Variants in MLXIP observed in about 807,000 individuals in gnomAD.
MLXIP encodes the protein MLX interacting protein.
A neutral mutation model predicts 87.2 loss-of-function variants in MLXIP; 30 were observed. The ratio of observed to expected loss-of-function variants is 0.34; its 90% CI spans 0.26 to 0.47. The LOEUF (loss-of-function observed/expected upper bound fraction) is 0.47. MLXIP is among the 20% of genes least tolerant of loss of function. The pLI is 1.00. For synonymous variants in MLXIP, 530 were observed against 514.0 expected (o/e 1.03, Z -0.42); for missense variants, 1,002 against 1,240.1 (o/e 0.81, Z 2.88).
At position 122,127,322 on chromosome 12, in the gene MLXIP, C is replaced by A. The variant is rs775681234; in HGVS notation, c.480C>A (p.Ile160=). The A allele has an allele frequency of 1.2e-6, 2 of 1,613,586 alleles. No individual in the cohort carries two copies. The highest frequency in any genetic ancestry group is 3.3e-5 in the Admixed American group (2 of 59,920). ...TGAAGCTACAGTGGAGAGACAAGAT[C>A]CGGCTCAATAATGCCATCTGGCGGG... The part of the protein sequence containing the change: ...KGLKLQWRDK[I]RLNNAIWRAW... The change falls in exon 2 of 17, where the codon ATC becomes ATA. Residue 160 remains isoleucine (I), a synonymous_variant. Coordinates refer to ENST00000319080, the MANE Select transcript of MLXIP (RefSeq NM_014938.6).
At chr12:122,138,670 C>G in intron 14 of MLXIP, 119 bp downstream of exon 14, 1 of 1,495,338 alleles carries the variant, frequency 6.7e-7, no homozygotes, top group South Asian at 1.3e-5. Context: ...TGCAGTAGTT[C>G]TGCTCTTTGT....
In MLXIP at chr12:122,137,955, G is replaced by C. The variant is rs1200468504; in HGVS notation, c.2155-239G>C. On this transcript the variant is annotated intron_variant, in intron 12 of 16. Coordinates refer to ENST00000319080, the MANE Select transcript of MLXIP (RefSeq NM_014938.6). This position sits in a 1 kb window ranked among gnomAD's most constrained non-coding sequence, Gnocchi z 4.1. ...GAGCTTGCAGCACCTGGGATGCACCGGTTCAGCCCTGCCGTTCCCAGCCCC... is the reference window on the plus strand; with the variant it reads ...GAGCTTGCAGCACCTGGGATGCACCCGTTCAGCCCTGCCGTTCCCAGCCCC... Among the ~76,000 whole-genome samples, 1 of 152,192 alleles carries C rather than the reference G, an allele frequency of 6.6e-6. No individual in the cohort carries two copies. The highest frequency in any genetic ancestry group is 1.5e-5 in the Non-Finnish European group (1 of 68,022).
In MLXIP at chr12:122,142,117, C is replaced by G. The variant is rs1953217924; in HGVS notation, c.*305C>G. On this transcript the variant is annotated 3_prime_UTR_variant, in exon 17 of 17. Transcript: ENST00000319080. ...GAAGTGCTGGCCGTGCTGGTCCTGC[C>G]CTGCTGGTGGCCTGCCGGGCCTGGC... The G allele has an allele frequency of 1.4e-6, 1 of 701,826 alleles. No homozygotes were observed. The highest frequency in any genetic ancestry group is 1.7e-5 in the African/African-American group (1 of 57,250). The allele number at this position is 701,826 out of a possible 1,614,324, so 43.5% of individuals were successfully genotyped here. A position where few individuals can be genotyped will look rare whatever the true frequency, so the allele number is the denominator to read the frequency against.
At position 122,135,336 on chromosome 12, in the gene MLXIP, C is replaced by T. The variant is rs1953067806; in HGVS notation, c.1845C>T (p.Ala615=). The T allele has an allele frequency of 1.2e-6, 2 of 1,612,972 alleles. No individual in the cohort carries two copies. Among genetic ancestry groups the T allele is most frequent in the Non-Finnish European group, 1.7e-6 (2 of 1,179,530 alleles). ...CCAACGTGGTCATTGCGCCTGCTGC[C>T]ATCGCCAGGGTGAGGAGGGCCCTAG... ...SQSNVVIAPA[A]IARAPGVPEF... is the part of the protein sequence containing the mutation. The change falls in exon 10 of 17, where the codon GCC becomes GCT. Residue 615 remains alanine (A), a synonymous_variant. Transcript: ENST00000319080. The surrounding 1 kb of genome is among the most constrained non-coding windows in gnomAD (Gnocchi z 5.3).
At chr12:122,130,426 C>T (rs1204036594) in intron 6 of MLXIP, among the ~76,000 whole-genome samples, 1 of 151,642 alleles carries the variant, frequency 6.6e-6, no homozygotes, top group East Asian at 1.9e-4. Context: ...GTACGTGTGC[C>T]GTGCCTAAGC....
rs571975073 is a variant in MLXIP at position 122,142,143 on chromosome 12, G to A, written c.*331G>A. 1.5e-4 allele frequency: 108 copies of A among 700,988 alleles called. No homozygotes were observed. Among genetic ancestry groups the A allele is most frequent in the South Asian group, 1.1e-3 (75 of 66,858 alleles). 43.4% of individuals were successfully genotyped at this position (700,988 alleles called of 1,614,324 possible). On this transcript the variant is annotated 3_prime_UTR_variant, in exon 17 of 17. Transcript: ENST00000319080. ...CTGCTGGTGGCCTGCCGGGCCTGGC[G>A]CCGGTGAGCGGAATCGATGGGATGA...
chr12:122,094,276 C>T (rs1287906199), intron 1 of MLXIP, among the ~76,000 whole-genome samples: 8 of 75,964 alleles, frequency 1.1e-4, no homozygotes, highest in South Asian at 4.8e-4. Context: ...TGGGTGTGTG[C>T]GATGTCTGTG....
At chr12:122,134,792 A>G (rs1953054964) in intron 9 of MLXIP, 3 of 195,120 alleles carry the variant, frequency 1.5e-5, no homozygotes, top group South Asian at 1.7e-4. Flanking sequence ...CTCCTGCCTC[A>G]TCCTCCTGAG....
Position 122,137,366 on chromosome 12 carries a change from G to A in MLXIP, c.2033-103G>A. ...GTTGAAAGAACCAAGTGCAATACGT[G>A]GCTAGCAGCGAGCACCTCATAACCC... On this transcript the variant is annotated intron_variant, in intron 11 of 16. Transcript: ENST00000319080. This position sits in a 1 kb window ranked among gnomAD's most constrained non-coding sequence, Gnocchi z 4.1. 1.5e-6 allele frequency: 2 copies of A among 1,309,506 alleles called. No homozygotes were observed. Among genetic ancestry groups the A allele is most frequent in the Admixed American group, 2.8e-5 (1 of 35,448 alleles). 81.1% of individuals were successfully genotyped at this position (1,309,506 alleles called of 1,614,324 possible). A position where few individuals can be genotyped will look rare whatever the true frequency, so the allele number is the denominator to read the frequency against.
At position 122,132,364 on chromosome 12, in the gene MLXIP, C is replaced by T; in HGVS notation, c.1073C>T (p.Pro358Leu). The T allele has an allele frequency of 6.2e-7, 1 of 1,612,612 alleles. No homozygotes were observed. ...PASASAPVPD[P>L]NNPPAQESIL... is the part of the protein sequence containing the mutation. ...TCTGCCTCAGCACCTGTACCAGATC[C>T]CAACAACCCACCTGCACAGGTAGAG... is the stretch of plus-strand genomic sequence containing the variant. Residue 358 changes from proline to leucine, a missense_variant, in exon 8 of 17, where the codon CCC becomes CTC. Physicochemically the swap from Pro to Leu is moderately conservative, Grantham distance 98. This residue lies in a region of MLXIP where 746 missense variants were observed against 897.0 expected (regional missense o/e 0.83). Coordinates refer to ENST00000319080, the MANE Select transcript of MLXIP (RefSeq NM_014938.6).
intron 1 of MLXIP, among the ~76,000 whole-genome samples, chr12:122,101,794 T>C (rs530857740): frequency 1.6e-4 from 24 of 152,258 alleles, no homozygotes; most frequent in Admixed American, 8.5e-4. Flanking sequence ...TTAGTCAGGC[T>C]GGTCTCGAAC....
At chr12:122,117,051 C>T (rs1952703181) in intron 1 of MLXIP, among the ~76,000 whole-genome samples, 1 of 152,128 alleles carries the variant, frequency 6.6e-6, no homozygotes, top group Non-Finnish European at 1.5e-5. Context: ...ATGATTACTC[C>T]CTGCTTTTCA....
At chr12:122,102,304 A>G (rs1174190722) in intron 1 of MLXIP, among the ~76,000 whole-genome samples, 1 of 152,268 alleles carries the variant, frequency 6.6e-6, no homozygotes, top group East Asian at 1.9e-4. Flanking sequence ...TTTTCCAAAG[A>G]AGATACACAA....
intron 1 of MLXIP, among the ~76,000 whole-genome samples, chr12:122,091,533 G>A (rs1203226631): frequency 6.6e-6 from 1 of 152,036 alleles, no homozygotes; most frequent in African/African-American, 2.4e-5. Flanking sequence ...CCTTGTGTCT[G>A]TTTAAAAAAA....
chr12:122,125,787 C>G (rs564350920), intron 1 of MLXIP, among the ~76,000 whole-genome samples: 2 of 152,334 alleles, frequency 1.3e-5, no homozygotes, highest in South Asian at 4.1e-4. Context: ...TGACATTTTT[C>G]TGGGGGAGTC....
At chr12:122,096,917 A>G (rs189456572) in intron 1 of MLXIP, among the ~76,000 whole-genome samples, 2 of 152,368 alleles carry the variant, frequency 1.3e-5, no homozygotes, top group East Asian at 1.9e-4. Flanking sequence ...CTGCGGGTAC[A>G]TGTCCCTGCA....
intron 1 of MLXIP, 131 bp downstream of exon 1, chr12:122,079,397 G>C (rs537889428): frequency 1.2e-6 from 1 of 822,458 alleles, no homozygotes; most frequent in South Asian, 1.6e-5. Context: ...CTTCGGGAGG[G>C]TTTATGGATC....
Position 122,129,715 on chromosome 12 carries a change from G to A in MLXIP, c.738+86G>A. The A allele has an allele frequency of 3.9e-6, 6 of 1,530,166 alleles. 1 individual carries two copies. The South Asian group carries it at 7.0e-5, about 18-fold the overall frequency. 94.8% of individuals were successfully genotyped at this position (1,530,166 alleles called of 1,614,324 possible). On this transcript the variant is annotated intron_variant, in intron 5 of 16. Transcript: ENST00000319080. ...TGGCCCACCAGGGAGCCCTGCAAAA[G>A]GCGGCAGGCCATGGGCCCTCCCTGG... is the stretch of plus-strand genomic sequence containing the variant.
rs1953113748 is a variant in MLXIP, at chr12:122,137,463, T to TA, written c.2033-5dup. 1 of 1,613,114 alleles carries TA rather than the reference T, an allele frequency of 6.2e-7. No homozygotes were observed. The highest frequency in any genetic ancestry group is 8.5e-7 in the Non-Finnish European group (1 of 1,179,434). Reference sequence around the variant, plus strand: ...TCCGCCCCTCAGAGGAGTCTGTTCTTACCAGGTCGGGACTGCCCAAACTCA... The same window carrying TA: ...TCCGCCCCTCAGAGGAGTCTGTTCTTAACCAGGTCGGGACTGCCCAAACTCA... On this transcript the variant is annotated splice_region_variant and splice_polypyrimidine_tract_variant and intron_variant, in intron 11 of 16. Coordinates refer to ENST00000319080, the MANE Select transcript of MLXIP (RefSeq NM_014938.6). The surrounding 1 kb of genome is among the most constrained non-coding windows in gnomAD (Gnocchi z 4.1).
Sources: allele counts gnomAD v4.1 joint callset (sites outside exome capture counted in the v4.1 genomes callset), GRCh38; gene constraint gnomAD v4.1.1; regional missense constraint gnomAD v4.1.1; non-coding constraint Gnocchi (gnomAD v3.1); transcripts MANE v1.5; gene names NCBI Gene and HGNC (gene_info 2026-07-23, HGNC 2026-07-21).